Variants in METTL21A observed in about 807,000 individuals in gnomAD.
METTL21A encodes protein N-lysine methyltransferase METTL21A.
METTL21A carries 22 observed loss-of-function variants against 20.9 expected under a neutral mutation model. The ratio of observed to expected loss-of-function variants is 1.05; its 90% CI spans 0.75 to 1.50. METTL21A has a LOEUF of 1.50. Among genes scored for constraint, METTL21A ranks in the 40% most tolerant of loss-of-function variants. METTL21A has a pLI of 0.00. For synonymous variants in METTL21A, 93 were observed against 102.0 expected, an observed-to-expected ratio of 0.91 and a Z score of 0.53; for missense variants, 271 against 266.8, an observed-to-expected ratio of 1.02 and a Z score of -0.11.
intron 3 of METTL21A, chr2:207,602,466 A>G (rs2087242034): frequency 4.9e-6 from 1 of 202,466 alleles, no homozygotes; most frequent in Non-Finnish European, 1.0e-5. Flanking sequence ...AAGAGTAGGA[A>G]ATTCACATTT....
chr2:207,588,135 A>ATTT (rs1553507837), intron 3 of METTL21A, among the ~76,000 whole-genome samples: 2 of 9,564 alleles, frequency 2.1e-4, no homozygotes, highest in Non-Finnish European at 4.3e-3. Context: ...TATCACACAG[A>ATTT]CTTCGTTTTC....
intron 3 of METTL21A, among the ~76,000 whole-genome samples, chr2:207,583,845 C>G (rs1286608231): frequency 6.6e-6 from 1 of 152,134 alleles, no homozygotes; most frequent in Non-Finnish European, 1.5e-5. Flanking sequence ...GTCAGCTTCC[C>G]CCACGCCCTG....
At chr2:207,618,830 G>A (rs2090118507) in intron 3 of METTL21A, among the ~76,000 whole-genome samples, 1 of 152,180 alleles carries the variant, frequency 6.6e-6, no homozygotes, top group Admixed American at 6.5e-5. Context: ...TGAAGCCAGG[G>A]AAAGTGATCA....
intron 3 of METTL21A, among the ~76,000 whole-genome samples, chr2:207,594,991 C>CTTTTTTT (rs751274446): frequency 1.7e-5 from 2 of 118,824 alleles, no homozygotes; most frequent in Non-Finnish European, 3.6e-5. Context: ...TGTTGAGCAT[C>CTTTTTTT]TTTTTTTTTT....
At chr2:207,624,476 T>A in intron 1 of METTL21A, 72 bp from the exon 2 acceptor site, 1 of 1,328,644 alleles carries the variant, frequency 7.5e-7, no homozygotes, top group East Asian at 2.7e-5. Flanking sequence ...TAACTCCAAA[T>A]GCTTTTAAGG....
intron 3 of METTL21A, among the ~76,000 whole-genome samples, chr2:207,619,439 C>T (rs1451688019): frequency 6.6e-6 from 1 of 152,162 alleles, no homozygotes; most frequent in East Asian, 1.9e-4. Context: ...AAGAGACTAA[C>T]ATTTTCTTAC....
At chr2:207,615,045 T>C (rs375881464) in intron 3 of METTL21A, among the ~76,000 whole-genome samples, 1 of 152,224 alleles carries the variant, frequency 6.6e-6, no homozygotes, top group Non-Finnish European at 1.5e-5. Flanking sequence ...ACAGTCCTAC[T>C]ATGAGATACT....
intron 3 of METTL21A, chr2:207,582,276 A>G (rs1259936001): frequency 3.1e-6 from 2 of 643,842 alleles, no homozygotes; most frequent in Non-Finnish European, 2.8e-6. Flanking sequence ...TTCTCTTTAA[A>G]GTTTTGCCCA....
chr2:207,613,585 G>GC, intron 3 of METTL21A, 142 bp from the exon 4 acceptor site: 1 of 737,784 alleles, frequency 1.4e-6, no homozygotes, highest in Non-Finnish European at 2.0e-6. Flanking sequence ...ATGGACAGCT[G>GC]CAATAGAAAA....
intron 3 of METTL21A, among the ~76,000 whole-genome samples, chr2:207,614,631 GT>G (rs1318457413): frequency 1.3e-5 from 2 of 152,098 alleles, no homozygotes; most frequent in Non-Finnish European, 2.9e-5. Flanking sequence ...TAAAATGCTT[GT>G]TCTTAATGCT....
At chr2:207,616,905 G>C (rs1308928534) in intron 3 of METTL21A, among the ~76,000 whole-genome samples, 2 of 152,186 alleles carry the variant, frequency 1.3e-5, no homozygotes, top group African/African-American at 2.4e-5. Flanking sequence ...CAGCCACAGA[G>C]GCACAGACCA....
intron 3 of METTL21A, among the ~76,000 whole-genome samples, chr2:207,588,318 C>T (rs1390745175): frequency 6.6e-6 from 1 of 151,740 alleles, no homozygotes; most frequent in African/African-American, 2.4e-5. Context: ...ATTGAATTGC[C>T]CTTGCTCTTT....
At chr2:207,599,755 T>C (rs1406685423) in intron 3 of METTL21A, 1 of 195,864 alleles carries the variant, frequency 5.1e-6, no homozygotes, top group African/African-American at 2.3e-5. Flanking sequence ...TTGAGAATCT[T>C]TATTAAGAAA....
intron 3 of METTL21A, chr2:207,620,572 C>T: frequency 1.6e-6 from 2 of 1,286,240 alleles, no homozygotes; most frequent in Non-Finnish European, 2.1e-6. Context: ...CTCCCAGAAT[C>T]CCAGCTTTGT....
chr2:207,615,922 T>C (rs78726688), intron 3 of METTL21A, among the ~76,000 whole-genome samples: 3 of 152,012 alleles, frequency 2.0e-5, no homozygotes, highest in Middle Eastern at 3.4e-3. Context: ...GTTTTTTTTT[T>C]CCCAAACATA....
chr2:207,595,606 A>T (rs964300891), intron 3 of METTL21A, among the ~76,000 whole-genome samples: 6 of 151,938 alleles, frequency 3.9e-5, no homozygotes, highest in African/African-American at 1.5e-4. Context: ...TTTGTCACCC[A>T]GGTTGGAATG....
chr2:207,594,869 C>T (rs763317167), intron 3 of METTL21A, among the ~76,000 whole-genome samples: 6 of 152,082 alleles, frequency 3.9e-5, no homozygotes, highest in Non-Finnish European at 8.8e-5. Flanking sequence ...TCCTCACATC[C>T]TCATCAACAA....
At chr2:207,586,974 G>C (rs1020718219) in intron 3 of METTL21A, among the ~76,000 whole-genome samples, 1 of 152,182 alleles carries the variant, frequency 6.6e-6, no homozygotes, top group Non-Finnish European at 1.5e-5. Flanking sequence ...AAAAAGACAA[G>C]AAGTAAACAC....
At chr2:207,608,287 A>G (rs2088439356), downstream of METTL21A, among the ~76,000 whole-genome samples, 1 of 152,006 alleles carries the variant, frequency 6.6e-6, no homozygotes, top group African/African-American at 2.4e-5. Context: ...GCATTCCCAT[A>G]TGAACTTTTC....
Sources: allele counts gnomAD v4.1 joint callset (sites outside exome capture counted in the v4.1 genomes callset), GRCh38; gene constraint gnomAD v4.1.1; transcripts MANE v1.5; gene names NCBI Gene and HGNC (gene_info 2026-07-23, HGNC 2026-07-21).